RMDN3: variants seen among roughly 807,000 people sequenced by gnomAD.
RMDN3 encodes regulator of microtubule dynamics protein 3.
RMDN3 carries 41 observed loss-of-function variants against 61.8 expected under a neutral mutation model. The ratio of observed to expected loss-of-function variants is 0.66; its 90% CI spans 0.52 to 0.86. The LOEUF (loss-of-function observed/expected upper bound fraction) is 0.86, where lower values mean the gene tolerates loss of function less well. Ranked by LOEUF, RMDN3 falls within the 40% of genes least tolerant of loss-of-function variation. The pLI is 0.00. For synonymous variants in RMDN3, 247 were observed against 232.0 expected (o/e 1.06, Z -0.59); for missense variants, 557 against 585.3 (o/e 0.95, Z 0.50).
rs141170560 is a variant in RMDN3 at position 40,737,971 on chromosome 15, G to A, written c.1119C>T (p.Cys373=). 1.9e-6 allele frequency: 3 copies of A among 1,614,162 alleles called. No individual in the cohort carries two copies. Among genetic ancestry groups the A allele is most frequent in the Non-Finnish European group, 2.5e-6 (3 of 1,180,000 alleles). The change falls in exon 9 of 13, where the codon TGC becomes TGT. Residue 373 remains cysteine, a synonymous_variant. Coordinates refer to ENST00000338376, the MANE Select transcript of RMDN3 (RefSeq NM_018145.3). ...GCACTGAAACGCAGCTTACCTGATA[G>A]CACCACCTGCCAAGAAGAAAGTGAG... is the stretch of plus-strand genomic sequence containing the variant. ...PMAHFLLGRW[C]YQVSHLSWLE...
rs755235757 is a variant in RMDN3 at position 40,740,151 on chromosome 15, C to T, written c.953G>A (p.Ser318Asn). The T allele has an allele frequency of 1.2e-6, 2 of 1,612,108 alleles. No homozygotes were observed. Among genetic ancestry groups the T allele is most frequent in the South Asian group, 1.1e-5 (1 of 90,786 alleles). Residue 318 changes from serine (S) to asparagine (N), a missense_variant, in exon 7 of 13, where the codon AGT (serine) becomes AAT (asparagine). Physicochemically the swap from Ser to Asn is conservative, Grantham distance 46 (BLOSUM62 1). Transcript: ENST00000338376. ...AEAALEKGDE[S>N]ADCHLWYAVL... Reference sequence around the variant, plus strand: ...TTATTACCACAGGTGACAGTCAGCACTCTCATCCCCCTTCTCCAGAGCAGC... The same window carrying T: ...TTATTACCACAGGTGACAGTCAGCATTCTCATCCCCCTTCTCCAGAGCAGC...
In RMDN3 at chr15:40,752,100, T is replaced by G; in HGVS notation, c.266A>C (p.Lys89Thr). Residue 89 changes from lysine to threonine, a missense_variant, in exon 3 of 13, where the codon AAG becomes ACG. By Grantham distance (78) the Lys-to-Thr change is moderately conservative. Coordinates refer to ENST00000338376, the MANE Select transcript of RMDN3 (RefSeq NM_018145.3). ...LPSLPREGQE[K>T]VLDRLDFVLT... ...CACAAAGTCCAGGCGGTCCAGCACC[T>G]TCTCCTGTCCTTCCCGTGGAAGGCT... 2 of 1,614,198 alleles carry G rather than the reference T, an allele frequency of 1.2e-6. No homozygotes were observed. The highest frequency in any genetic ancestry group is 1.7e-6 in the Non-Finnish European group (2 of 1,180,042).
rs1897846997 is a variant in RMDN3 at position 40,752,020 on chromosome 15, G to A, written c.346C>T (p.Arg116Ter). The A allele has an allele frequency of 6.2e-6, 10 of 1,614,036 alleles. No homozygotes were observed. The highest frequency in any genetic ancestry group is 1.1e-5 in the South Asian group (1 of 91,074). Residue 116 changes from arginine (R) to a stop codon, truncating the protein, a stop_gained, in exon 3 of 13, where the codon CGA becomes TGA. Coordinates refer to ENST00000338376, the MANE Select transcript of RMDN3 (RefSeq NM_018145.3). LOFTEE classifies it high-confidence loss of function. The part of the protein sequence containing the change: ...REVEELRSSL[R>*]GLAGEIVGEV... ...CCAACAATCTCCCCCGCAAGCCCTC[G>A]CAGGCTGCTTCTCAGCTCCTCCACC... is the stretch of plus-strand genomic sequence containing the variant.
At chr15:40,738,364 AGAGT>A in intron 8 of RMDN3, 133 bp downstream of exon 8, 4 of 791,566 alleles carry the variant, frequency 5.1e-6, no homozygotes, top group Non-Finnish European at 8.2e-6. Context: ...CTTGGGCGAT[AGAGT>A]GAGACTCTGT....
At chr15:40,752,348 C>T (rs1897865805) in intron 2 of RMDN3, among the ~76,000 whole-genome samples, 170 bp from the exon 3 acceptor site, 1 of 152,156 alleles carries the variant, frequency 6.6e-6, no homozygotes, top group Admixed American at 6.5e-5. Flanking sequence ...AGAAACTACC[C>T]AGGGATCTCT....
intron 4 of RMDN3, 66 bp from the exon 5 acceptor site, chr15:40,745,325 C>A: frequency 6.6e-7 from 1 of 1,514,574 alleles, no homozygotes; most frequent in Non-Finnish European, 9.0e-7. Flanking sequence ...GTCTGTCTAT[C>A]CCTCACCCCC....
intron 4 of RMDN3, 68 bp from the exon 5 acceptor site, chr15:40,745,327 C>T (rs1897485065): frequency 2.8e-5 from 42 of 1,513,348 alleles, no homozygotes; most frequent in Non-Finnish European, 3.7e-5. Flanking sequence ...CTGTCTATCC[C>T]TCACCCCCAA....
Position 40,736,462 on chromosome 15 carries a change from G to T in RMDN3, c.*79C>A. The T allele has an allele frequency of 1.5e-6, 2 of 1,306,770 alleles. No individual in the cohort carries two copies. Among genetic ancestry groups the T allele is most frequent in the Non-Finnish European group, 2.2e-6 (2 of 904,696 alleles). The allele number at this position is 1,306,770 out of a possible 1,614,324, so 80.9% of individuals were successfully genotyped here. A position where few individuals can be genotyped will look rare whatever the true frequency, so the allele number is the denominator to read the frequency against. ...AGATTTGTGTGGTTTCCTGATCTCA[G>T]CAAGGTCTAAGGAAAAAAGCCTCCC... On this transcript the variant is annotated 3_prime_UTR_variant, in exon 13 of 13. Transcript: ENST00000338376.
At position 40,752,010 on chromosome 15, in the gene RMDN3, G is replaced by C; in HGVS notation, c.356C>G (p.Ala119Gly). Residue 119 changes from alanine (A) to glycine (G), a missense_variant, in exon 3 of 13, where the codon GCG becomes GGG. By Grantham distance (60) the Ala-to-Gly change is moderately conservative (BLOSUM62 0). Transcript: ENST00000338376. ...CCGGACCTCCCCAACAATCTCCCCC[G>C]CAAGCCCTCGCAGGCTGCTTCTCAG... ...EELRSSLRGL[A>G]GEIVGEVRCH... The C allele has an allele frequency of 1.2e-6, 2 of 1,614,006 alleles. No homozygotes were observed. Among genetic ancestry groups the C allele is most frequent in the Non-Finnish European group, 1.7e-6 (2 of 1,179,936 alleles).
chr15:40,736,700 T>C, intron 12 of RMDN3, 106 bp from the exon 13 acceptor site: 1 of 953,690 alleles, frequency 1.0e-6, no homozygotes. Flanking sequence ...TGAGCTCTGC[T>C]ACAGTCTTTT....
Position 40,742,559 on chromosome 15 carries a change from G to A in RMDN3, c.910+1488C>T, listed in dbSNP as rs576003356. Among the ~76,000 whole-genome samples the A allele has an allele frequency of 5.3e-5, 8 of 152,316 alleles. No individual in the cohort carries two copies. In the East Asian group the frequency reaches 1.2e-3, roughly 22 times the overall value. On this transcript the variant is annotated intron_variant, in intron 6 of 12. Transcript: ENST00000338376. ...AGAATGACTGCCTCCTGGTGGTCCA[G>A]CTCCTAGAGATACAATGAAATAAAC...
chr15:40,746,254 G>A (rs1391692769), intron 4 of RMDN3, among the ~76,000 whole-genome samples: 5 of 152,160 alleles, frequency 3.3e-5, no homozygotes, highest in Admixed American at 6.5e-5. Flanking sequence ...GGTGGCTCAC[G>A]CCTGTAATCC....
At chr15:40,746,400 C>T (rs971938016) in intron 4 of RMDN3, among the ~76,000 whole-genome samples, 1 of 151,796 alleles carries the variant, frequency 6.6e-6, no homozygotes, top group Non-Finnish European at 1.5e-5. Flanking sequence ...CCTGTAGTCC[C>T]AGCTACTCGG....
Position 40,751,466 on chromosome 15 carries a change from A to G in RMDN3, c.484T>C (p.Ser162Pro), listed in dbSNP as rs1234847422. 1 of 1,614,088 alleles carries G rather than the reference A, an allele frequency of 6.2e-7. No homozygotes were observed. Among genetic ancestry groups the G allele is most frequent in the Non-Finnish European group, 8.5e-7 (1 of 1,180,040 alleles). Reference sequence around the variant, plus strand: ...GCATCTGTGAACGTGGCTCCCGAGGAGGCCGTGAAGTAGACAGAGCTGGAG... The same window carrying G: ...GCATCTGTGAACGTGGCTCCCGAGGGGGCCGTGAAGTAGACAGAGCTGGAG... Reference protein sequence around the residue: ...TGSSSVYFTASSGATFTDAES... With the variant: ...TGSSSVYFTAPSGATFTDAES... The change falls in exon 4 of 13, where the codon TCC becomes CCC. Residue 162 changes from serine to proline, a missense_variant. Transcript: ENST00000338376.
intron 4 of RMDN3, among the ~76,000 whole-genome samples, chr15:40,747,279 C>T (rs1897612907): frequency 6.6e-6 from 1 of 152,150 alleles, no homozygotes; most frequent in Admixed American, 6.5e-5. Context: ...ACCTGAGCTG[C>T]GATGCTGCCA....
intron 4 of RMDN3, among the ~76,000 whole-genome samples, chr15:40,750,227 T>C (rs1462871031): frequency 6.8e-6 from 1 of 146,342 alleles, no homozygotes; most frequent in African/African-American, 2.5e-5. Context: ...TTTTTTTTTT[T>C]TTTTTTCTTT....
At position 40,754,748 on chromosome 15, in the gene RMDN3, G is replaced by C. The variant is rs751606449; in HGVS notation, c.36C>G (p.Ala12=). Residue 12 remains alanine, a synonymous_variant, in exon 2 of 13, where the codon GCC becomes GCG. Coordinates refer to ENST00000338376, the MANE Select transcript of RMDN3 (RefSeq NM_018145.3). ...SRLGALGGAR[A]GLGLLLGTAA... ...CGGTACCCAGCAACAGTCCCAGCCC[G>C]GCACGGGCACCACCCAGGGCTCCCA... 8.1e-6 allele frequency: 13 copies of C among 1,611,040 alleles called. No individual in the cohort carries two copies. The East Asian group carries it at 2.2e-4, about 28-fold the overall frequency.
chr15:40,740,330 TG>T (rs775814622), intron 6 of RMDN3, 137 bp from the exon 7 acceptor site: 3 of 696,382 alleles, frequency 4.3e-6, no homozygotes, highest in Non-Finnish European at 7.8e-6. Flanking sequence ...GTTGTGAACT[TG>T]AGCAGAATGA....
Position 40,741,259 on chromosome 15 carries a change from GAAC to G in RMDN3, c.911-1069_911-1067del, listed in dbSNP as rs200778124. On this transcript the variant is annotated intron_variant, in intron 6 of 12. Transcript: ENST00000338376. ...ACATTGGCTCACACCTGTAATCCTA[GAAC>G]TTTGAGAGGCCAAGGAGAGGATAGC... Among the ~76,000 whole-genome samples, 51 of 152,154 alleles carry G rather than the reference GAAC, an allele frequency of 3.4e-4. No individual in the cohort carries two copies. The East Asian group carries it at 8.5e-3, about 25-fold the overall frequency.
Sources: allele counts gnomAD v4.1 joint callset (sites outside exome capture counted in the v4.1 genomes callset), GRCh38; gene constraint gnomAD v4.1.1; transcripts MANE v1.5; gene names NCBI Gene and HGNC (gene_info 2026-07-23, HGNC 2026-07-21).